DNAAF19: variants seen among roughly 807,000 people sequenced by gnomAD.
The protein encoded by DNAAF19 is dynein axonemal assembly factor 19.
At chr17:44,902,910 C>T in the DNAAF19 span, 2 of 1,435,650 alleles carry the variant, frequency 1.4e-6, no homozygotes, top group Non-Finnish European at 1.8e-6. Context: ...ATAAGAAACC[C>T]ACACCTGGTT....
At chr17:44,901,961 G>A in the DNAAF19 span, among the ~76,000 whole-genome samples, 1 of 152,120 alleles carries the variant, frequency 6.6e-6, no homozygotes, top group African/African-American at 2.4e-5. Context: ...GGGTTGTATG[G>A]TGTCTAGTGT....
the DNAAF19 span, chr17:44,901,659 G>A: frequency 3.1e-6 from 5 of 1,614,032 alleles, no homozygotes; most frequent in East Asian, 2.2e-5. Flanking sequence ...CCCGGTAGGT[G>A]AGGCCCTGCC....
At chr17:44,904,328 C>A in the DNAAF19 span, 1 of 1,543,140 alleles carries the variant, frequency 6.5e-7, no homozygotes, top group Non-Finnish European at 8.8e-7. Flanking sequence ...TGGGCACCTC[C>A]ATGTCTTCAC....
chr17:44,903,936 T>C, the DNAAF19 span: 2 of 1,550,570 alleles, frequency 1.3e-6, no homozygotes, highest in Non-Finnish European at 1.7e-6. Flanking sequence ...CCTGCTTTCC[T>C]GATGTTTGAA....
the DNAAF19 span, chr17:44,902,391 G>A: frequency 1.5e-5 from 24 of 1,614,198 alleles, no homozygotes; most frequent in African/African-American, 8.0e-5. Flanking sequence ...AGCCCGAGAC[G>A]TCTGCTGACT....
the DNAAF19 span, chr17:44,904,201 C>G: frequency 6.4e-7 from 1 of 1,550,550 alleles, no homozygotes; most frequent in East Asian, 2.4e-5. Flanking sequence ...GCCTGTACTT[C>G]TGCGGCACCC....
chr17:44,904,675 C>T, the DNAAF19 span: 206 of 1,550,424 alleles, frequency 1.3e-4, no homozygotes, highest in Non-Finnish European at 1.7e-4. Context: ...AGAGACTGGG[C>T]CATGGACTCA....
the DNAAF19 span, chr17:44,905,281 T>C: frequency 1.5e-5 from 9 of 582,860 alleles, no homozygotes; most frequent in Admixed American, 3.0e-4. Flanking sequence ...GGGACTGAGC[T>C]CAGGATGGAA....
At chr17:44,902,331 G>A in the DNAAF19 span, 4 of 1,613,868 alleles carry the variant, frequency 2.5e-6, no homozygotes, top group African/African-American at 1.3e-5. Flanking sequence ...AGCTGGAAGA[G>A]CTCCTGACTC....
chr17:44,904,169 A>C, the DNAAF19 span: 6 of 1,550,378 alleles, frequency 3.9e-6, no homozygotes, highest in East Asian at 1.2e-4. Flanking sequence ...GTTGGTTTTC[A>C]GGGCTCAGTC....
chr17:44,900,525 C>T, the DNAAF19 span, among the ~76,000 whole-genome samples: 1 of 151,946 alleles, frequency 6.6e-6, no homozygotes, highest in Admixed American at 6.6e-5. Context: ...TCTCCTTCCT[C>T]ATTAAAGACA....
chr17:44,901,359 A>C, the DNAAF19 span, among the ~76,000 whole-genome samples: 1 of 152,270 alleles, frequency 6.6e-6, no homozygotes, highest in Non-Finnish European at 1.5e-5. Flanking sequence ...CAAGTGTCTG[A>C]CACATGTGAG....
chr17:44,901,445 A>G, the DNAAF19 span: 3 of 1,548,282 alleles, frequency 1.9e-6, no homozygotes, highest in South Asian at 1.2e-5. Flanking sequence ...ATCCTATACC[A>G]TGCAAAGTCT....
chr17:44,904,658 C>G, the DNAAF19 span: 93 of 1,550,568 alleles, frequency 6.0e-5, no homozygotes, highest in African/African-American at 1.2e-3. Flanking sequence ...CATTCAGTTC[C>G]ACCAGCAGAG....
chr17:44,902,424 C>T, the DNAAF19 span: 2 of 1,614,246 alleles, frequency 1.2e-6, no homozygotes, highest in African/African-American at 2.7e-5. Context: ...GGCGACGACA[C>T]TTGCCAAGTG....
chr17:44,905,059 C>G, the DNAAF19 span: 17 of 1,541,606 alleles, frequency 1.1e-5, no homozygotes, highest in Non-Finnish European at 1.5e-5. Flanking sequence ...GTTGTCCCAG[C>G]TTCTCCCCCT....
At chr17:44,904,962 T>C in the DNAAF19 span, 1 of 1,550,746 alleles carries the variant, frequency 6.4e-7, no homozygotes, top group South Asian at 1.2e-5. Flanking sequence ...CGCTCGGCTG[T>C]GGAGCTCACC....
the DNAAF19 span, chr17:44,902,404 T>C: frequency 6.2e-7 from 1 of 1,614,222 alleles, no homozygotes; most frequent in Non-Finnish European, 8.5e-7. Context: ...TGCTGACTTC[T>C]ATCGTGATTG....
chr17:44,903,448 C>T, the DNAAF19 span: 1 of 1,252,508 alleles, frequency 8.0e-7, no homozygotes, highest in Non-Finnish European at 1.0e-6. Context: ...TTCCACCAGG[C>T]TGGCAGGGCA....
Sources: allele counts gnomAD v4.1 joint callset (sites outside exome capture counted in the v4.1 genomes callset), GRCh38; gene constraint gnomAD v4.1.1; transcripts MANE v1.5; gene names NCBI Gene and HGNC (gene_info 2026-07-23, HGNC 2026-07-21).